CTNNA3: variants seen among roughly 807,000 people sequenced by gnomAD.
The protein encoded by CTNNA3 is catenin alpha-3.
Under a neutral mutation model 95.7 loss-of-function variants are expected in CTNNA3, and 76 were observed. The observed-to-expected ratio is 0.79, with a 90% CI of 0.66 to 0.96. The LOEUF (loss-of-function observed/expected upper bound fraction) is 0.96, where lower values mean the gene tolerates loss of function less well. Among genes scored for constraint, CTNNA3 ranks in the 40% least tolerant of loss-of-function variants. The pLI is 0.00. For synonymous variants in CTNNA3, 431 were observed against 374.4 expected, an observed-to-expected ratio of 1.15 and a Z score of -1.74; for missense variants, 1,191 against 1,089.8, an observed-to-expected ratio of 1.09 and a Z score of -1.31.
At chr10:67,575,701 C>A (rs2133300441) in intron 3 of CTNNA3, among the ~76,000 whole-genome samples, 1 of 152,320 alleles carries the variant, frequency 6.6e-6, no homozygotes, top group African/African-American at 2.4e-5. Context: ...ACATCCTCTG[C>A]AGACTCCTCA....
intron 7 of CTNNA3, among the ~76,000 whole-genome samples, chr10:66,931,452 C>T (rs1847386210): frequency 6.6e-6 from 1 of 152,188 alleles, no homozygotes; most frequent in African/African-American, 2.4e-5. Flanking sequence ...GTTGACATTA[C>T]ATCTTTTCAA....
rs74780619 is a variant in CTNNA3 at position 66,157,017 on chromosome 10, T to C, written c.1885-53768A>G. Among the ~76,000 whole-genome samples the C allele has an allele frequency of 9.1e-4, 138 of 152,054 alleles. 2 individuals carry two copies. The East Asian group carries it at 0.025, about 27-fold the overall frequency. On this transcript the variant is annotated intron_variant, in intron 13 of 17. Transcript: ENST00000433211. ...TTCATTTGCATTTGGGTTTTGGTTT[T>C]GTTTTGTTTTGCTTTCCTTATTTCC... is the stretch of plus-strand genomic sequence containing the variant.
intron 11 of CTNNA3, among the ~76,000 whole-genome samples, chr10:66,419,053 A>G (rs541785285): frequency 6.6e-6 from 1 of 152,214 alleles, no homozygotes; most frequent in African/African-American, 2.4e-5. Context: ...AAGAAAAGGC[A>G]TCCAGATTCA....
At chr10:67,760,642 A>G (rs1359073631) in intron 1 of CTNNA3, among the ~76,000 whole-genome samples, 1 of 96,332 alleles carries the variant, frequency 1.0e-5, no homozygotes, top group Non-Finnish European at 3.0e-5. Context: ...AGCGGGTGAG[A>G]GAGTAAAGCT....
chr10:67,028,241 T>A (rs1443606305), intron 7 of CTNNA3, among the ~76,000 whole-genome samples: 1 of 152,158 alleles, frequency 6.6e-6, no homozygotes, highest in Non-Finnish European at 1.5e-5. Flanking sequence ...CATTGTTTGT[T>A]TGTTGTTGTT....
intron 13 of CTNNA3, among the ~76,000 whole-genome samples, chr10:66,181,573 T>G (rs891303342): frequency 6.6e-6 from 1 of 152,142 alleles, no homozygotes; most frequent in Non-Finnish European, 1.5e-5. Flanking sequence ...AGTGCTAACC[T>G]GAAAGCTTAT....
At chr10:67,590,925 G>A (rs1272371301) in intron 3 of CTNNA3, among the ~76,000 whole-genome samples, 1 of 152,034 alleles carries the variant, frequency 6.6e-6, no homozygotes. Context: ...CTAGTAAAAT[G>A]TATGTCTTTT....
intron 13 of CTNNA3, among the ~76,000 whole-genome samples, chr10:66,117,645 G>A (rs1293732923): frequency 6.6e-6 from 1 of 152,168 alleles, no homozygotes; most frequent in Admixed American, 6.5e-5. Flanking sequence ...CTATATGGAT[G>A]TGAATGTGAA....
At chr10:67,456,360 C>T (rs1033804502) in intron 5 of CTNNA3, among the ~76,000 whole-genome samples, 37 of 152,134 alleles carry the variant, frequency 2.4e-4, no homozygotes, top group African/African-American at 8.4e-4. Flanking sequence ...CTGTTGTACA[C>T]TCCTATGGAT....
intron 10 of CTNNA3, among the ~76,000 whole-genome samples, chr10:66,540,941 TTTACGTAAGTC>T (rs1160387483): frequency 2.0e-5 from 3 of 152,076 alleles, no homozygotes; most frequent in African/African-American, 7.2e-5. Flanking sequence ...ATTCCTTAAC[TTTACGTAAGTC>T]TTTTCCATAT....
At chr10:67,536,422 A>G (rs1280273903) in intron 4 of CTNNA3, among the ~76,000 whole-genome samples, 1 of 152,146 alleles carries the variant, frequency 6.6e-6, no homozygotes, top group African/African-American at 2.4e-5. Flanking sequence ...GATTGTTATC[A>G]TTGTTAGTGA....
intron 11 of CTNNA3, among the ~76,000 whole-genome samples, chr10:66,470,636 G>T (rs970056625): frequency 4.0e-5 from 6 of 151,748 alleles, no homozygotes; most frequent in African/African-American, 7.3e-5. Context: ...GAAAAAGGAA[G>T]AATATATTAG....
intron 7 of CTNNA3, among the ~76,000 whole-genome samples, chr10:67,017,470 C>T (rs1010153321): frequency 1.3e-5 from 2 of 152,190 alleles, no homozygotes; most frequent in Non-Finnish European, 2.9e-5. Flanking sequence ...TAGTCCTCCA[C>T]ATACCATGCT....
intron 5 of CTNNA3, among the ~76,000 whole-genome samples, chr10:67,377,934 T>C (rs529702757): frequency 5.8e-4 from 88 of 151,966 alleles, no homozygotes; most frequent in South Asian, 1.2e-3. Flanking sequence ...CAGGCTGGAG[T>C]AGTAGCACAA....
intron 5 of CTNNA3, among the ~76,000 whole-genome samples, chr10:67,305,389 A>G (rs1372567117): frequency 6.6e-6 from 1 of 151,636 alleles, no homozygotes; most frequent in Non-Finnish European, 1.5e-5. Flanking sequence ...AAAAAAAAAA[A>G]AAAGAGAGAG....
rs138897748 is a variant in CTNNA3, at chr10:66,946,242, TG to T, written c.1048-170719del. Among the ~76,000 whole-genome samples, 719 of 152,204 alleles carry T rather than the reference TG, an allele frequency of 4.7e-3. 16 individuals are homozygous for T. In the East Asian group the frequency reaches 0.058, roughly 12 times the overall value. On this transcript the variant is annotated intron_variant, in intron 7 of 17. Coordinates refer to ENST00000433211, the MANE Select transcript of CTNNA3 (RefSeq NM_013266.4). The stretch of plus-strand genomic sequence containing the variant: ...GTGAGAAAATAGAGAGGGAGAGAAT[TG>T]GAATCCAATGATAATTATCTTATTC...
intron 5 of CTNNA3, among the ~76,000 whole-genome samples, chr10:67,504,673 T>C (rs1479324008): frequency 6.6e-6 from 1 of 152,106 alleles, no homozygotes; most frequent in Non-Finnish European, 1.5e-5. Context: ...AACTTAAGAT[T>C]CCTTCCCTGG....
intron 10 of CTNNA3, among the ~76,000 whole-genome samples, chr10:66,580,697 C>T (rs1436847626): frequency 6.6e-6 from 1 of 151,692 alleles, no homozygotes; most frequent in East Asian, 1.9e-4. Context: ...GATCACATTT[C>T]TGCTTTAGTT....
chr10:67,375,760 G>A lies in CTNNA3; in HGVS notation c.579+146082C>T, dbSNP rs184464827. On this transcript the variant is annotated intron_variant, in intron 5 of 17. Coordinates refer to ENST00000433211, the MANE Select transcript of CTNNA3 (RefSeq NM_013266.4). ...TCAATGACTATCATATATTAATTAGGAATCCTTCTGGCTAACAAAACCTGA... is the reference window on the plus strand; with the variant it reads ...TCAATGACTATCATATATTAATTAGAAATCCTTCTGGCTAACAAAACCTGA... Among the ~76,000 whole-genome samples the A allele has an allele frequency of 4.8e-3, 730 of 152,186 alleles. 5 individuals are homozygous for A. Among genetic ancestry groups the A allele is most frequent in the African/African-American group, 0.016 (683 of 41,532 alleles).
Sources: gnomAD v4.1 joint callset for allele counts (sites outside exome capture counted in the v4.1 genomes callset) on GRCh38, gnomAD v4.1.1 for gene constraint, MANE v1.5 for transcripts, NCBI Gene and HGNC (gene_info 2026-07-23, HGNC 2026-07-21) for gene names.